Variants in NCALD observed in about 807,000 individuals in gnomAD.
NCALD encodes neurocalcin-delta.
In NCALD, 10 loss-of-function variants were observed where a neutral mutation model predicts 18.6. The ratio of observed to expected loss-of-function variants is 0.54; its 90% CI spans 0.33 to 0.91. The LOEUF (loss-of-function observed/expected upper bound fraction) is 0.91, where lower values mean the gene tolerates loss of function less well. Ranked by LOEUF, NCALD falls within the 40% of genes least tolerant of loss-of-function variation. The pLI is 0.03. For missense variants in NCALD, 184 were observed against 247.6 expected, an observed-to-expected ratio of 0.74 and a Z score of 1.72; for synonymous variants, 88 against 87.4, an observed-to-expected ratio of 1.01 and a Z score of -0.04.
intron 4 of NCALD, among the ~76,000 whole-genome samples, chr8:101,820,483 A>G (rs1813675928): frequency 1.3e-5 from 2 of 152,214 alleles, no homozygotes; most frequent in African/African-American, 2.4e-5. Flanking sequence ...AGACTCCCCA[A>G]ACAGACAGAG....
chr8:101,888,434 G>A (rs577144617), intron 3 of NCALD, among the ~76,000 whole-genome samples: 3 of 151,778 alleles, frequency 2.0e-5, no homozygotes, highest in East Asian at 1.9e-4. Flanking sequence ...TGCAGAGTTC[G>A]GGAGACAGAG....
intron 4 of NCALD, among the ~76,000 whole-genome samples, chr8:101,819,431 A>G (rs1813630185): frequency 6.6e-6 from 1 of 151,972 alleles, no homozygotes. Context: ...TTTTCTGTAA[A>G]TTGTATTATG....
At chr8:101,722,047 T>C (rs935905335) in intron 1 of NCALD, among the ~76,000 whole-genome samples, 11 of 152,148 alleles carry the variant, frequency 7.2e-5, no homozygotes, top group African/African-American at 2.7e-4. Flanking sequence ...CTCACTTTGT[T>C]GCCTAGCCTG....
At chr8:101,902,393 G>A (rs1312212404) in intron 3 of NCALD, among the ~76,000 whole-genome samples, 1 of 151,850 alleles carries the variant, frequency 6.6e-6, no homozygotes, top group East Asian at 1.9e-4. Flanking sequence ...ACTTCTTTCT[G>A]CTTCCTAAGA....
chr8:101,892,922 A>T (rs1175643835), intron 3 of NCALD, among the ~76,000 whole-genome samples: 2 of 149,666 alleles, frequency 1.3e-5, no homozygotes, highest in African/African-American at 2.5e-5. Context: ...GAATGGAACC[A>T]AGCTGGAAAA....
chr8:101,861,371 T>C (rs1815535687), intron 4 of NCALD, among the ~76,000 whole-genome samples: 1 of 151,996 alleles, frequency 6.6e-6, no homozygotes, highest in Non-Finnish European at 1.5e-5. Flanking sequence ...TCTCAGCTTA[T>C]ATTGGGAGAG....
chr8:101,983,508 C>G (rs1488641673), intron 2 of NCALD, among the ~76,000 whole-genome samples: 3 of 152,138 alleles, frequency 2.0e-5, no homozygotes. Context: ...TAGAGAGAAA[C>G]TTATGTTAAA....
chr8:101,833,933 C>G (rs1814298643), intron 4 of NCALD, among the ~76,000 whole-genome samples: 1 of 152,226 alleles, frequency 6.6e-6, no homozygotes, highest in Admixed American at 6.5e-5. Flanking sequence ...TCAGCTTTCC[C>G]TGGTGGGTGA....
chr8:101,943,843 A>G (rs1200437348), intron 2 of NCALD, among the ~76,000 whole-genome samples: 1 of 152,186 alleles, frequency 6.6e-6, no homozygotes, highest in East Asian at 1.9e-4. Context: ...CGGGAGGCTG[A>G]GGCAGGAGAA....
chr8:101,713,075 G>A (rs886872271), intron 2 of NCALD, among the ~76,000 whole-genome samples: 2 of 151,826 alleles, frequency 1.3e-5, no homozygotes, highest in African/African-American at 2.4e-5. Flanking sequence ...ATAACAAACA[G>A]TCTCTCAGAC....
intron 2 of NCALD, among the ~76,000 whole-genome samples, chr8:101,706,082 CA>C (rs1237201396): frequency 6.6e-6 from 1 of 152,144 alleles, no homozygotes; most frequent in African/African-American, 2.4e-5. Context: ...CTGCCTTTTG[CA>C]GAGCACTTCA....
At chr8:102,001,564 C>T (rs1821468643) in intron 2 of NCALD, among the ~76,000 whole-genome samples, 1 of 152,116 alleles carries the variant, frequency 6.6e-6, no homozygotes, top group Admixed American at 6.5e-5. Context: ...AACTCCAAGA[C>T]ACATAATTGT....
At chr8:101,889,414 A>G (rs576991647) in intron 3 of NCALD, among the ~76,000 whole-genome samples, 3 of 152,350 alleles carry the variant, frequency 2.0e-5, no homozygotes, top group African/African-American at 7.2e-5. Context: ...GCTTAAACAC[A>G]AGCCTTTCGA....
intron 1 of NCALD, among the ~76,000 whole-genome samples, chr8:101,740,264 C>A (rs1487904360): frequency 6.6e-6 from 1 of 152,148 alleles, no homozygotes; most frequent in African/African-American, 2.4e-5. Context: ...GACCAGCTGC[C>A]CAGTGCTATG....
At chr8:101,873,821 C>T (rs1281735839) in intron 4 of NCALD, among the ~76,000 whole-genome samples, 1 of 152,198 alleles carries the variant, frequency 6.6e-6, no homozygotes, top group Non-Finnish European at 1.5e-5. Flanking sequence ...CACAATTTCA[C>T]ACCAGGGACC....
At chr8:101,959,951 G>T (rs7839884) in intron 2 of NCALD, among the ~76,000 whole-genome samples, 1 of 146,764 alleles carries the variant, frequency 6.8e-6, no homozygotes, top group East Asian at 2.0e-4. Flanking sequence ...GGGCTCCAAC[G>T]TCCTTCCTGA....
intron 2 of NCALD, among the ~76,000 whole-genome samples, chr8:101,948,366 G>A (rs148287807): frequency 4.0e-4 from 61 of 152,288 alleles, no homozygotes; most frequent in Middle Eastern, 6.8e-3. Context: ...TACCTACCTC[G>A]GTGAAGGGTG....
At chr8:101,859,838 C>T (rs985368185) in intron 4 of NCALD, among the ~76,000 whole-genome samples, 7 of 152,002 alleles carry the variant, frequency 4.6e-5, no homozygotes, top group Non-Finnish European at 1.0e-4. Flanking sequence ...AGAACATTTC[C>T]CAAAACAAAG....
At chr8:101,756,849 C>T (rs567400809) in intron 1 of NCALD, among the ~76,000 whole-genome samples, 1 of 152,136 alleles carries the variant, frequency 6.6e-6, no homozygotes, top group South Asian at 2.1e-4. Flanking sequence ...CTCTACTATG[C>T]AGTACATAAG....
Sources: allele counts gnomAD v4.1 joint callset (sites outside exome capture counted in the v4.1 genomes callset), GRCh38; gene constraint gnomAD v4.1.1; transcripts MANE v1.5; gene names NCBI Gene and HGNC (gene_info 2026-07-23, HGNC 2026-07-21).